Variants in C12orf43 observed in about 807,000 individuals in gnomAD.
C12orf43 encodes chromosome 12 open reading frame 43.
A neutral mutation model predicts 20.6 loss-of-function variants in C12orf43; 15 were observed. The ratio of observed to expected loss-of-function variants is 0.73; its 90% CI spans 0.49 to 1.12. The LOEUF is 1.12. Ranked by LOEUF, C12orf43 falls within the 50% of genes most tolerant of loss-of-function variation. The probability of loss-of-function intolerance (pLI) is 0.00; values close to 1 mark genes in which losing one functional copy is unlikely to be tolerated. For missense variants in C12orf43, 334 were observed against 344.4 expected (o/e 0.97, Z 0.24); for synonymous variants, 144 against 130.8 (o/e 1.10, Z -0.69).
At position 121,010,926 on chromosome 12, in the gene C12orf43, C is replaced by G; in HGVS notation, c.189G>C (p.Arg63Ser). 1 of 1,614,118 alleles carries G rather than the reference C, an allele frequency of 6.2e-7. No individual in the cohort carries two copies. The highest frequency in any genetic ancestry group is 8.5e-7 in the Non-Finnish European group (1 of 1,180,008). Residue 63 changes from arginine to serine, a missense_variant and splice_region_variant, in exon 3 of 6, where the codon AGG (arginine) becomes AGC (serine). Physicochemically the swap from Arg to Ser is moderately radical, Grantham distance 110 (BLOSUM62 -1). Coordinates refer to ENST00000288757, the MANE Select transcript of C12orf43 (RefSeq NM_022895.3). ...CTTGTTCATGCTCATTCACCTTATG[C>G]CTACGACACACACAAAGAGACCTCA... Reference protein sequence around the residue: ...SQLSTSQPSLRHKVNEHEQDG... With the variant: ...SQLSTSQPSLSHKVNEHEQDG...
intron 3 of C12orf43, among the ~76,000 whole-genome samples, chr12:121,009,520 TAGGTCGGG>T (rs1878282235): frequency 6.6e-6 from 1 of 152,040 alleles, no homozygotes; most frequent in Non-Finnish European, 1.5e-5. Flanking sequence ...GAGAGGTGAT[TAGGTCGGG>T]AGGGTGGAGC....
At chr12:121,012,332 G>A (rs1448391819) in intron 1 of C12orf43, 1 of 698,968 alleles carries the variant, frequency 1.4e-6, no homozygotes, top group Non-Finnish European at 2.6e-6. Flanking sequence ...AACTCAGAGG[G>A]GCCAGATCAT....
intron 3 of C12orf43, among the ~76,000 whole-genome samples, chr12:121,008,809 T>C (rs1311002647): frequency 6.6e-6 from 1 of 152,238 alleles, no homozygotes; most frequent in Non-Finnish European, 1.5e-5. Flanking sequence ...CATCTCCCTT[T>C]CAAAACCCTG....
At chr12:121,007,476 C>CTCTTAAGGTTGTCACAAGG (rs1555213597) in intron 3 of C12orf43, among the ~76,000 whole-genome samples, 51 of 152,166 alleles carry the variant, frequency 3.4e-4, no homozygotes, top group Non-Finnish European at 6.3e-4. Context: ...AGGTCCCTAC[C>CTCTTAAGGTTGTCACAAGG]TCTTAAGGTT....
At position 121,006,301 on chromosome 12, in the gene C12orf43, T is replaced by C. The variant is rs757328593; in HGVS notation, c.361+20A>G. ...TAGGTGCTTAATAAATGATAGCTTCTATTAAGTATAACCACTCACCATCAT... is the reference window on the plus strand; with the variant it reads ...TAGGTGCTTAATAAATGATAGCTTCCATTAAGTATAACCACTCACCATCAT... On this transcript the variant is annotated intron_variant, in intron 4 of 5. Transcript: ENST00000288757. 3.1e-6 allele frequency: 5 copies of C among 1,602,404 alleles called. No individual in the cohort carries two copies. The highest frequency in any genetic ancestry group is 3.3e-4 in the Middle Eastern group (2 of 6,046).
In C12orf43 at chr12:121,000,787, A is replaced by C. The variant is rs533423869; in HGVS notation, c.*3366T>G. The C allele has an allele frequency of 6.2e-6, 3 of 487,030 alleles. No homozygotes were observed. In the East Asian group the frequency reaches 1.1e-4, roughly 18 times the overall value. 30.2% of individuals were successfully genotyped at this position (487,030 alleles called of 1,614,324 possible). Reference sequence around the variant, plus strand: ...GATTAGTGTTTGACTCAGCCTAGCCAAGCCAACACGTACAACTACCTACCT... The same window carrying C: ...GATTAGTGTTTGACTCAGCCTAGCCCAGCCAACACGTACAACTACCTACCT... On this transcript the variant is annotated 3_prime_UTR_variant, in exon 6 of 6. Coordinates refer to ENST00000288757, the MANE Select transcript of C12orf43 (RefSeq NM_022895.3).
Position 121,006,404 on chromosome 12 carries a change from G to A in C12orf43, c.288-10C>T, listed in dbSNP as rs1380924776. The A allele has an allele frequency of 1.9e-6, 3 of 1,613,116 alleles. No homozygotes were observed. The highest frequency in any genetic ancestry group is 2.5e-6 in the Non-Finnish European group (3 of 1,179,222). ...TGAGATGGTAATGAAGCTACAGGGA[G>A]ACGAGACGGTTGATTTAAGATGAGA... On this transcript the variant is annotated splice_polypyrimidine_tract_variant and intron_variant, in intron 3 of 5. Transcript: ENST00000288757.
At chr12:121,012,849 T>TAAAAAAAAA (rs10636003) in intron 1 of C12orf43, among the ~76,000 whole-genome samples, 11 of 91,984 alleles carry the variant, frequency 1.2e-4, no homozygotes, top group Non-Finnish European at 1.3e-4. Context: ...AGACTCCGTC[T>TAAAAAAAAA]AAAAAAAAAA....
In C12orf43 at chr12:121,001,085, C is replaced by T. The variant is rs1432452729; in HGVS notation, c.*3068G>A. 6.2e-7 allele frequency: 1 copy of T among 1,613,718 alleles called. No individual in the cohort carries two copies. Among genetic ancestry groups the T allele is most frequent in the East Asian group, 2.2e-5 (1 of 44,882 alleles). ...TGCAGTGTCCTCCAGCAGCCTGGTG[C>T]TGTACCAGAGCTCAGACTCCAGCAA... On this transcript the variant is annotated 3_prime_UTR_variant, in exon 6 of 6. Coordinates refer to ENST00000288757, the MANE Select transcript of C12orf43 (RefSeq NM_022895.3).
At chr12:121,012,919 A>T (rs888805810) in intron 1 of C12orf43, among the ~76,000 whole-genome samples, 1 of 149,336 alleles carries the variant, frequency 6.7e-6, no homozygotes, top group African/African-American at 2.4e-5. Flanking sequence ...ACAGGGCGTG[A>T]GAAATGAGTG....
At position 121,003,895 on chromosome 12, in the gene C12orf43, G is replaced by T; in HGVS notation, c.*258C>A. 1 of 568,652 alleles carries T rather than the reference G, an allele frequency of 1.8e-6. No individual in the cohort carries two copies. The highest frequency in any genetic ancestry group is 3.1e-6 in the Non-Finnish European group (1 of 317,922). The allele number at this position is 568,652 out of a possible 1,614,324, so 35.2% of individuals were successfully genotyped here. A position where few individuals can be genotyped will look rare whatever the true frequency, so the allele number is the denominator to read the frequency against. On this transcript the variant is annotated 3_prime_UTR_variant, in exon 6 of 6. Coordinates refer to ENST00000288757, the MANE Select transcript of C12orf43 (RefSeq NM_022895.3). ...TTTTCCTGAGGTCATGAAATGTTCT[G>T]GAACCACAGCGCCCCCGCCAGCCCT...
chr12:121,008,939 T>C (rs1878226164), intron 3 of C12orf43, among the ~76,000 whole-genome samples: 1 of 152,228 alleles, frequency 6.6e-6, no homozygotes, highest in Non-Finnish European at 1.5e-5. Flanking sequence ...TGGAAAATGC[T>C]GGGCTAAACA....
chr12:121,010,008 G>A (rs894229418), intron 3 of C12orf43, among the ~76,000 whole-genome samples: 2 of 152,196 alleles, frequency 1.3e-5, no homozygotes, highest in Non-Finnish European at 2.9e-5. Flanking sequence ...CAGGGGTTAA[G>A]AACATGGGCT....
chr12:121,012,578 C>A (rs946449453), intron 1 of C12orf43: 24 of 676,016 alleles, frequency 3.6e-5, no homozygotes, highest in Non-Finnish European at 5.7e-5. Flanking sequence ...CAAGGCCGGG[C>A]GCGGTGGCTC....
Position 121,016,355 on chromosome 12 carries a change from CGGG to C in C12orf43, c.117_119del (p.Pro40del). 1.2e-6 allele frequency: 2 copies of C among 1,613,770 alleles called. No individual in the cohort carries two copies. Among genetic ancestry groups the C allele is most frequent in the South Asian group, 2.2e-5 (2 of 91,082 alleles). On this transcript the variant is annotated inframe_deletion, in exon 1 of 6. Coordinates refer to ENST00000288757, the MANE Select transcript of C12orf43 (RefSeq NM_022895.3). ...CGGCTCTTGGCTTCCCTGCCACGTG[CGGG>C]CGTTGCTCCAAGCCCCAAGCCGGCA...
At chr12:121,010,662 G>C (rs1050048101) in intron 3 of C12orf43, among the ~76,000 whole-genome samples, 166 bp downstream of exon 3, 11 of 152,158 alleles carry the variant, frequency 7.2e-5, no homozygotes, top group African/African-American at 2.7e-4. Context: ...GAGGATAAAG[G>C]TAACAACAGG....
rs1219096800 is a variant in C12orf43 at position 121,002,773 on chromosome 12, C to T, written c.*1380G>A. 5 of 234,424 alleles carry T rather than the reference C, an allele frequency of 2.1e-5. No homozygotes were observed. Among genetic ancestry groups the T allele is most frequent in the African/African-American group, 9.4e-5 (4 of 42,574 alleles). 14.5% of individuals were successfully genotyped at this position (234,424 alleles called of 1,614,324 possible). On this transcript the variant is annotated 3_prime_UTR_variant, in exon 6 of 6. Transcript: ENST00000288757. ...GCTGGACTGCAGTGGCATTATACAGCTCACTGCAGCCTTGAACTCCTGGAC... is the reference window on the plus strand; with the variant it reads ...GCTGGACTGCAGTGGCATTATACAGTTCACTGCAGCCTTGAACTCCTGGAC...
In C12orf43 at chr12:121,002,013, AC is replaced by A. The variant is rs56388051; in HGVS notation, c.*2139del. 1,993 of 536,516 alleles carry A rather than the reference AC, an allele frequency of 3.7e-3. 34 individuals carry two copies. Among genetic ancestry groups the A allele is most frequent in the African/African-American group, 0.033 (1,801 of 53,962 alleles). The allele number at this position is 536,516 out of a possible 1,614,324, so 33.2% of individuals were successfully genotyped here. On this transcript the variant is annotated 3_prime_UTR_variant, in exon 6 of 6. Transcript: ENST00000288757. ...TCCTTACTCCTGTGGGAGCCTCGCA[AC>A]CCGTGCCAAGTCCAGGTCCTGGTGG...
chr12:121,002,616 C>T lies in C12orf43; in HGVS notation c.*1537G>A. ...GAGGAGACAGGCTCCAGCACCCACG[C>T]TCTCACACCCCACATCTCTGCTTTT... On this transcript the variant is annotated 3_prime_UTR_variant, in exon 6 of 6. Transcript: ENST00000288757. The T allele has an allele frequency of 5.3e-6, 2 of 375,628 alleles. No individual in the cohort carries two copies. The allele number at this position is 375,628 out of a possible 1,614,324, so 23.3% of individuals were successfully genotyped here.
Sources: gnomAD v4.1 joint callset for allele counts (sites outside exome capture counted in the v4.1 genomes callset) on GRCh38, gnomAD v4.1.1 for gene constraint, MANE v1.5 for transcripts, NCBI Gene and HGNC (gene_info 2026-07-23, HGNC 2026-07-21) for gene names.